Variants in STIM2 observed in about 807,000 individuals in gnomAD.
The protein encoded by STIM2 is stromal interaction molecule 2.
A neutral mutation model predicts 85.8 loss-of-function variants in STIM2; 31 were observed. The ratio of observed to expected loss-of-function variants is 0.36; its 90% CI spans 0.27 to 0.49. The LOEUF (loss-of-function observed/expected upper bound fraction) is 0.49. Among genes scored for constraint, STIM2 ranks in the 20% least tolerant of loss-of-function variants. The pLI, the probability that STIM2 is intolerant of heterozygous loss-of-function variation, is 0.98. For missense variants in STIM2, 841 were observed against 927.6 expected (o/e 0.91, Z 1.21); for synonymous variants, 356 against 331.1 (o/e 1.08, Z -0.82).
chr4:26,966,084 T>C (rs1364560800), intron 3 of STIM2, among the ~76,000 whole-genome samples: 2 of 152,128 alleles, frequency 1.3e-5, no homozygotes, highest in African/African-American at 4.8e-5. Flanking sequence ...TCTCCTCTGC[T>C]ATGTTCACAG....
chr4:26,861,408 A>G, intron 1 of STIM2, 39 bp downstream of exon 1: 1 of 1,281,142 alleles, frequency 7.8e-7, no homozygotes, highest in Non-Finnish European at 9.8e-7. Context: ...CTCGGCCGGC[A>G]GCGATGGGAC....
chr4:27,020,006 T>C (rs1434721405), intron 11 of STIM2, among the ~76,000 whole-genome samples: 2 of 152,190 alleles, frequency 1.3e-5, no homozygotes, highest in African/African-American at 4.8e-5. Flanking sequence ...GTAACATTAG[T>C]GATTAATCAA....
chr4:26,927,869 A>ATATAAATAATATAAAT (rs1725029961), intron 2 of STIM2, among the ~76,000 whole-genome samples: 1 of 139,604 alleles, frequency 7.2e-6, no homozygotes, highest in Non-Finnish European at 1.5e-5. Flanking sequence ...TATTATATAA[A>ATATAAATAATATAAAT]TTATATATTA....
intron 1 of STIM2, among the ~76,000 whole-genome samples, chr4:26,882,199 T>C (rs1196982700): frequency 1.3e-5 from 2 of 152,228 alleles, no homozygotes; most frequent in African/African-American, 4.8e-5. Context: ...AGATGAAGAC[T>C]GATTCTTTTC....
intron 4 of STIM2, among the ~76,000 whole-genome samples, chr4:26,997,531 A>G (rs959567088): frequency 1.3e-5 from 2 of 151,888 alleles, no homozygotes; most frequent in Non-Finnish European, 2.9e-5. Context: ...AATCATTTTT[A>G]CCTCTGGACT....
intron 1 of STIM2, among the ~76,000 whole-genome samples, chr4:26,863,926 T>A (rs1344565408): frequency 6.6e-6 from 1 of 152,122 alleles, no homozygotes; most frequent in East Asian, 1.9e-4. Flanking sequence ...AGAAGCTCCC[T>A]AAGAGTTAGC....
chr4:26,922,201 C>T (rs548269691), intron 2 of STIM2, among the ~76,000 whole-genome samples: 2 of 151,918 alleles, frequency 1.3e-5, no homozygotes, highest in South Asian at 2.1e-4. Flanking sequence ...TATCATTACT[C>T]CTTTTCTCTG....
Position 26,861,340 on chromosome 4 carries a change from C to T in STIM2, c.122C>T (p.Ala41Val), listed in dbSNP as rs1276833697. ...ACTGCCGCCTCCTCTCCCGCCGCGG[C>T]GGCCGGCGATAGCCCGGCGCTCATG... Residue 41 changes from alanine (A) to valine (V), a missense_variant, in exon 1 of 12, where the codon GCG becomes GTG. Coordinates refer to ENST00000467087, the MANE Select transcript of STIM2 (RefSeq NM_020860.4). The T allele has an allele frequency of 3.6e-6, 5 of 1,376,312 alleles. No homozygotes were observed. The highest frequency in any genetic ancestry group is 1.6e-5 in the South Asian group (1 of 61,392). 85.3% of individuals were successfully genotyped at this position (1,376,312 alleles called of 1,614,324 possible). A position where few individuals can be genotyped will look rare whatever the true frequency, so the allele number is the denominator to read the frequency against.
chr4:26,878,421 A>G lies in STIM2; in HGVS notation c.151+17052A>G, dbSNP rs114401741. 8.0e-3 allele frequency among the ~76,000 whole-genome samples: 1,213 copies of G among 152,228 alleles called. 18 individuals are homozygous for G. The highest frequency in any genetic ancestry group is 0.027 in the African/African-American group (1,130 of 41,540). ...TAGTTTTGGTATGGGATCATGGGTC[A>G]GGAGGGTCTCTGTGTCCTTGAAGCA... is the stretch of plus-strand genomic sequence containing the variant. On this transcript the variant is annotated intron_variant, in intron 1 of 11. Transcript: ENST00000467087.
At chr4:26,896,582 A>G (rs183115969) in intron 1 of STIM2, among the ~76,000 whole-genome samples, 9 of 152,334 alleles carry the variant, frequency 5.9e-5, no homozygotes, top group Admixed American at 4.6e-4. Context: ...GTATTCTCAC[A>G]AGCAGTTTTA....
chr4:27,023,495 A>G lies in STIM2; in HGVS notation c.*499A>G, dbSNP rs1728982923. ...GAAAAAAAAAAAATCTCTGCAAGTG[A>G]AACTGTATAGAGTTTATAAAATGAC... On this transcript the variant is annotated 3_prime_UTR_variant, in exon 12 of 12. Transcript: ENST00000467087. 2 of 158,346 alleles carry G rather than the reference A, an allele frequency of 1.3e-5. No individual in the cohort carries two copies. Among genetic ancestry groups the G allele is most frequent in the African/African-American group, 4.8e-5 (2 of 41,434 alleles). The allele number at this position is 158,346 out of a possible 1,614,324, so 9.8% of individuals were successfully genotyped here. A position where few individuals can be genotyped will look rare whatever the true frequency, so the allele number is the denominator to read the frequency against.
intron 1 of STIM2, among the ~76,000 whole-genome samples, chr4:26,907,882 G>T (rs1269002450): frequency 6.6e-6 from 1 of 152,140 alleles, no homozygotes; most frequent in Admixed American, 6.5e-5. Context: ...TTGCTATGTG[G>T]CTGGCACAGC....
chr4:26,954,182 A>G (rs751905663), intron 2 of STIM2, among the ~76,000 whole-genome samples: 20 of 152,188 alleles, frequency 1.3e-4, no homozygotes, highest in Non-Finnish European at 2.4e-4. Flanking sequence ...AGTTACAGGT[A>G]TGAGAAACTG....
intron 4 of STIM2, among the ~76,000 whole-genome samples, chr4:26,998,509 CTT>C (rs1560234888): frequency 1.3e-5 from 2 of 151,938 alleles, no homozygotes; most frequent in African/African-American, 4.8e-5. Flanking sequence ...AAATTGAAAA[CTT>C]AATTGTTTTT....
At chr4:26,866,721 C>T (rs530349938) in intron 1 of STIM2, among the ~76,000 whole-genome samples, 37 of 152,188 alleles carry the variant, frequency 2.4e-4, no homozygotes, top group Middle Eastern at 3.4e-3. Context: ...CTGGGGTACT[C>T]GGCTGTATAC....
chr4:26,988,401 A>G (rs1490709579), intron 3 of STIM2, among the ~76,000 whole-genome samples: 1 of 152,220 alleles, frequency 6.6e-6, no homozygotes, highest in African/African-American at 2.4e-5. Flanking sequence ...CTGGCAAAGA[A>G]GGAAGAAAGG....
At chr4:26,996,520 T>G (rs1482618725) in intron 4 of STIM2, among the ~76,000 whole-genome samples, 3 of 152,060 alleles carry the variant, frequency 2.0e-5, no homozygotes, top group Non-Finnish European at 4.4e-5. Flanking sequence ...TTTGATCAAG[T>G]TGAAAGTTTT....
At chr4:26,969,416 C>T (rs1289344946) in intron 3 of STIM2, among the ~76,000 whole-genome samples, 1 of 152,170 alleles carries the variant, frequency 6.6e-6, no homozygotes, top group Non-Finnish European at 1.5e-5. Context: ...TCATTATTTT[C>T]CCTGTTTTGA....
At chr4:26,906,138 A>C (rs73251751) in intron 1 of STIM2, among the ~76,000 whole-genome samples, 2 of 152,304 alleles carry the variant, frequency 1.3e-5, no homozygotes, top group Non-Finnish European at 2.9e-5. Context: ...ACATGGATAG[A>C]GCTGGAGGCT....
Sources: gnomAD v4.1 joint callset for allele counts (sites outside exome capture counted in the v4.1 genomes callset) on GRCh38, gnomAD v4.1.1 for gene constraint, MANE v1.5 for transcripts, NCBI Gene and HGNC (gene_info 2026-07-23, HGNC 2026-07-21) for gene names.